The following CSMD1 variants were observed in gnomAD, a reference collection of about 807,000 sequenced individuals.
The protein encoded by CSMD1 is CUB and Sushi multiple domains 1, also known as CUB and sushi domain-containing protein 1.
CSMD1 carries 213 observed loss-of-function variants against 417.5 expected under a neutral mutation model. The observed-to-expected ratio is 0.51, with a 90% CI of 0.46 to 0.57. CSMD1 has a LOEUF of 0.57. Among genes scored for constraint, CSMD1 ranks in the 20% least tolerant of loss-of-function variants. The pLI is 0.00. For synonymous variants in CSMD1, 2,862 were observed against 1,736.8 expected (o/e 1.65, Z -16.11); for missense variants, 6,923 against 4,529.7 (o/e 1.53, Z -15.17).
At chr8:3,737,073 T>G (rs1001717610) in intron 6 of CSMD1, among the ~76,000 whole-genome samples, 3 of 152,240 alleles carry the variant, frequency 2.0e-5, no homozygotes. Context: ...TGAAAGTCAG[T>G]GTTCATTTAT....
intron 3 of CSMD1, among the ~76,000 whole-genome samples, chr8:4,178,669 T>G (rs1007983854): frequency 6.6e-6 from 1 of 152,186 alleles, no homozygotes; most frequent in African/African-American, 2.4e-5. Flanking sequence ...TATGATTGTT[T>G]ATCTAGAAAA....
At chr8:3,033,310 C>T (rs1810467103) in intron 50 of CSMD1, among the ~76,000 whole-genome samples, 1 of 152,134 alleles carries the variant, frequency 6.6e-6, no homozygotes, top group Non-Finnish European at 1.5e-5. Context: ...CTACATTCAA[C>T]ACAAAAGTAA....
At chr8:3,494,174 C>T (rs1458283839) in intron 10 of CSMD1, among the ~76,000 whole-genome samples, 1 of 151,918 alleles carries the variant, frequency 6.6e-6, no homozygotes, top group African/African-American at 2.4e-5. Context: ...ATTAGCACCC[C>T]AAAAGACTTT....
At chr8:3,340,127 T>C (rs1320589538) in intron 23 of CSMD1, among the ~76,000 whole-genome samples, 2 of 152,172 alleles carry the variant, frequency 1.3e-5, no homozygotes, top group South Asian at 2.1e-4. Context: ...CCGAAAATCG[T>C]TGAAAATAAG....
At chr8:4,801,074 T>C (rs1798258159) in intron 1 of CSMD1, among the ~76,000 whole-genome samples, 1 of 152,164 alleles carries the variant, frequency 6.6e-6, no homozygotes, top group African/African-American at 2.4e-5. Context: ...AACCTACAGA[T>C]CTGAAATGAT....
chr8:3,953,227 A>C (rs900236964), intron 5 of CSMD1, among the ~76,000 whole-genome samples: 1 of 152,158 alleles, frequency 6.6e-6, no homozygotes, highest in African/African-American at 2.4e-5. Flanking sequence ...AAATCAAGAA[A>C]ATATATAACT....
intron 3 of CSMD1, among the ~76,000 whole-genome samples, chr8:4,150,412 T>A (rs537935890): frequency 6.6e-6 from 1 of 152,220 alleles, no homozygotes; most frequent in East Asian, 1.9e-4. Context: ...GACTCTCTTA[T>A]CTTTGGATGG....
intron 26 of CSMD1, 77 bp downstream of exon 26, chr8:3,284,067 A>T (rs1802950294): frequency 8.5e-7 from 1 of 1,178,978 alleles, no homozygotes; most frequent in South Asian, 1.3e-5. Flanking sequence ...ACGCTGGTGA[A>T]TATAAATGGA....
chr8:4,203,805 A>G (rs918152683), intron 3 of CSMD1, among the ~76,000 whole-genome samples: 1 of 152,200 alleles, frequency 6.6e-6, no homozygotes, highest in African/African-American at 2.4e-5. Flanking sequence ...AGGATGGATT[A>G]AAACTAAAAC....
intron 26 of CSMD1, among the ~76,000 whole-genome samples, chr8:3,272,422 T>G (rs1475397245): frequency 2.7e-5 from 4 of 150,930 alleles, no homozygotes; most frequent in Non-Finnish European, 5.9e-5. Flanking sequence ...GGGCTCCTTT[T>G]TGGTTCCATA....
chr8:3,916,725 G>C (rs1334391444), intron 5 of CSMD1, among the ~76,000 whole-genome samples: 2 of 152,088 alleles, frequency 1.3e-5, no homozygotes, highest in South Asian at 2.1e-4. Context: ...AGAAAAAGTA[G>C]AGATAATCAT....
At chr8:3,036,698 G>A (rs1252546605) in intron 50 of CSMD1, among the ~76,000 whole-genome samples, 1 of 151,952 alleles carries the variant, frequency 6.6e-6, no homozygotes, top group East Asian at 1.9e-4. Context: ...AAGTTTTTGG[G>A]GAAAACTAGG....
chr8:4,857,825 C>T (rs371992911), intron 1 of CSMD1, among the ~76,000 whole-genome samples: 1 of 151,970 alleles, frequency 6.6e-6, no homozygotes, highest in East Asian at 1.9e-4. Context: ...AGCCGAATTC[C>T]ACCAGAGGTA....
chr8:4,838,191 TC>T (rs1442116308), intron 1 of CSMD1, among the ~76,000 whole-genome samples: 2 of 152,194 alleles, frequency 1.3e-5, no homozygotes, highest in East Asian at 3.9e-4. Context: ...TGCAGTGTTC[TC>T]CCCGCTCTTC....
At chr8:3,821,178 A>C (rs768018161) in intron 5 of CSMD1, among the ~76,000 whole-genome samples, 17 of 152,114 alleles carry the variant, frequency 1.1e-4, no homozygotes, top group East Asian at 3.9e-4. Flanking sequence ...TCGGCCTCCC[A>C]AACTGTGGGG....
intron 5 of CSMD1, among the ~76,000 whole-genome samples, chr8:3,906,474 A>T (rs974732289): frequency 6.6e-6 from 1 of 152,180 alleles, no homozygotes; most frequent in African/African-American, 2.4e-5. Context: ...AAAAGACATA[A>T]TGGACAAAGT....
At chr8:3,193,139 G>C (rs1202939408) in intron 33 of CSMD1, among the ~76,000 whole-genome samples, 3 of 152,120 alleles carry the variant, frequency 2.0e-5, no homozygotes, top group East Asian at 3.9e-4. Context: ...ATATATTTGA[G>C]AGCTATGCAA....
chr8:3,601,076 C>A (rs1801338923), intron 8 of CSMD1, among the ~76,000 whole-genome samples: 1 of 152,098 alleles, frequency 6.6e-6, no homozygotes, highest in Non-Finnish European at 1.5e-5. Flanking sequence ...AAGCTTGATA[C>A]CAGGTCATAC....
chr8:3,287,325 C>G (rs141061222), intron 25 of CSMD1, among the ~76,000 whole-genome samples: 6,715 of 152,010 alleles, frequency 0.044, 195 homozygotes, highest in Non-Finnish European at 0.067. Context: ...GTAGTTTTTT[C>G]TAATTCTGTG....
Sources: allele counts gnomAD v4.1 joint callset (sites outside exome capture counted in the v4.1 genomes callset), GRCh38; gene constraint gnomAD v4.1.1; transcripts MANE v1.5; gene names NCBI Gene and HGNC (gene_info 2026-07-23, HGNC 2026-07-21).